Variants in PCDHGA3 observed in about 807,000 individuals in gnomAD.
PCDHGA3 encodes the protein protocadherin gamma subfamily A, 3, also known as protocadherin gamma-A3.
A neutral mutation model predicts 58.5 loss-of-function variants in PCDHGA3; 40 were observed. That is an observed-to-expected ratio of 0.68 (90% CI 0.53 to 0.89). The LOEUF is 0.89. PCDHGA3 is among the 40% of genes least tolerant of loss of function. PCDHGA3 has a pLI of 0.00. For synonymous variants in PCDHGA3, 530 were observed against 525.7 expected (o/e 1.01, Z -0.11); for missense variants, 1,223 against 1,195.9 (o/e 1.02, Z -0.33).
At chr5:141,356,290 A>C in intron 1 of PCDHGA3, 1 of 1,555,814 alleles carries the variant, frequency 6.4e-7, no homozygotes, top group Non-Finnish European at 8.7e-7. Context: ...TTCCCCGGGT[A>C]CAGTAATTGC....
At chr5:141,403,039 T>A (rs989723883) in intron 1 of PCDHGA3, 64 of 1,614,050 alleles carry the variant, frequency 4.0e-5, no homozygotes, top group Non-Finnish European at 5.4e-5. Context: ...CCAGGGCCAG[T>A]CAGATTCGCT....
At chr5:141,500,729 C>T (rs1434863449) in intron 2 of PCDHGA3, among the ~76,000 whole-genome samples, 2 of 152,130 alleles carry the variant, frequency 1.3e-5, no homozygotes, top group Non-Finnish European at 2.9e-5. Flanking sequence ...CCATGTCTTT[C>T]AAAATTCTTC....
intron 3 of PCDHGA3, among the ~76,000 whole-genome samples, chr5:141,508,616 G>T (rs1007206932): frequency 6.6e-6 from 1 of 152,114 alleles, no homozygotes; most frequent in African/African-American, 2.4e-5. Flanking sequence ...ATAGGACGTG[G>T]GTGGGCCGAG....
At chr5:141,365,333 G>A in intron 1 of PCDHGA3, 2 of 1,613,942 alleles carry the variant, frequency 1.2e-6, no homozygotes, top group East Asian at 2.2e-5. Flanking sequence ...TAAGGTGGTG[G>A]TCACAGTACA....
chr5:141,349,444 A>C (rs554674177), intron 1 of PCDHGA3, among the ~76,000 whole-genome samples: 1 of 152,234 alleles, frequency 6.6e-6, no homozygotes, highest in Non-Finnish European at 1.5e-5. Context: ...ATTCCACTTC[A>C]TAAAAGCATG....
At chr5:141,421,325 G>T in intron 1 of PCDHGA3, 1 of 1,613,906 alleles carries the variant, frequency 6.2e-7, no homozygotes, top group Non-Finnish European at 8.5e-7. Flanking sequence ...AGGCAGATCC[G>T]ATATTCGGTG....
chr5:141,370,545 G>A (rs768607566), intron 1 of PCDHGA3: 2 of 1,613,866 alleles, frequency 1.2e-6, no homozygotes, highest in Non-Finnish European at 1.7e-6. Context: ...AGGGAACCTC[G>A]CCAAGGACCT....
At chr5:141,353,898 A>G (rs1759411313) in intron 1 of PCDHGA3, among the ~76,000 whole-genome samples, 1 of 152,366 alleles carries the variant, frequency 6.6e-6, no homozygotes, top group East Asian at 1.9e-4. Context: ...TAAATTCTGT[A>G]TAGCTAATGC....
intron 1 of PCDHGA3, chr5:141,441,650 G>C (rs932742795): frequency 8.4e-6 from 2 of 238,510 alleles, no homozygotes; most frequent in African/African-American, 2.4e-5. Context: ...TGTGATTCTA[G>C]GTGTCCTTGA....
intron 3 of PCDHGA3, 119 bp downstream of exon 3, chr5:141,505,600 G>T: frequency 1.3e-6 from 2 of 1,554,224 alleles, no homozygotes; most frequent in Middle Eastern, 3.4e-4. Context: ...AGATCTTTCG[G>T]CAGGTCTGAA....
chr5:141,422,543 T>C lies in PCDHGA3; in HGVS notation c.2425-72264T>C, dbSNP rs2096655736. 1 of 1,613,882 alleles carries C rather than the reference T, an allele frequency of 6.2e-7. No homozygotes were observed. Among genetic ancestry groups the C allele is most frequent in the African/African-American group, 1.3e-5 (1 of 74,928 alleles). Reference sequence around the variant, plus strand: ...CCGCCTTTGTCTGCAGAAACTCATGTCTGGCTGAATGTGGCAGATGACAAC... The same window carrying C: ...CCGCCTTTGTCTGCAGAAACTCATGCCTGGCTGAATGTGGCAGATGACAAC... On this transcript the variant is annotated intron_variant, in intron 1 of 3. Coordinates refer to ENST00000253812, the MANE Select transcript of PCDHGA3 (RefSeq NM_018916.4).
chr5:141,478,213 C>A (rs2099439229), intron 1 of PCDHGA3: 1 of 1,614,000 alleles, frequency 6.2e-7, no homozygotes, highest in Non-Finnish European at 8.5e-7. Context: ...TTTCTCTAAT[C>A]CTGGTTTCTG....
At chr5:141,356,225 A>T (rs1760157547) in intron 1 of PCDHGA3, 6 of 1,596,084 alleles carry the variant, frequency 3.8e-6, no homozygotes, top group Non-Finnish European at 5.1e-6. Flanking sequence ...GATGAAAATG[A>T]CAACGCACCA....
At position 141,431,942 on chromosome 5, in the gene PCDHGA3, G is replaced by A. The variant is rs1284808063; in HGVS notation, c.2425-62865G>A. 6.2e-7 allele frequency: 1 copy of A among 1,614,116 alleles called. No homozygotes were observed. The highest frequency in any genetic ancestry group is 2.2e-5 in the East Asian group (1 of 44,884). ...CCAAGGAAATCTGCCCTTTAAATTA[G>A]AAAAATCTTACGGAAATTACTATAG... On this transcript the variant is annotated intron_variant, in intron 1 of 3. Transcript: ENST00000253812. The surrounding 1 kb of genome is among the most constrained non-coding windows in gnomAD (Gnocchi z 4.8).
chr5:141,349,959 CAG>C (rs770513949), intron 1 of PCDHGA3: 10 of 252,082 alleles, frequency 4.0e-5, no homozygotes, highest in East Asian at 3.0e-4. Flanking sequence ...AAATTAAAGA[CAG>C]GGTACATAGA....
intron 1 of PCDHGA3, chr5:141,379,506 A>T (rs774188975): frequency 9.2e-5 from 14 of 152,280 alleles, no homozygotes; most frequent in Non-Finnish European, 1.8e-4. Context: ...TGGGATGTTA[A>T]ACTACATCTT....
intron 2 of PCDHGA3, among the ~76,000 whole-genome samples, chr5:141,499,800 C>A (rs2099794584): frequency 6.6e-6 from 1 of 150,704 alleles, no homozygotes; most frequent in Admixed American, 6.7e-5. Context: ...AATTCTCATG[C>A]TTCAGCCTCC....
At chr5:141,360,220 C>T in intron 1 of PCDHGA3, 1 of 1,613,660 alleles carries the variant, frequency 6.2e-7, no homozygotes, top group Non-Finnish European at 8.5e-7. Context: ...CCCCGGGGCT[C>T]TCCCAGTCCA....
chr5:141,464,824 G>A (rs1329087889), intron 1 of PCDHGA3, among the ~76,000 whole-genome samples: 2 of 151,816 alleles, frequency 1.3e-5, no homozygotes, highest in African/African-American at 2.4e-5. Context: ...CTGTAGCCTC[G>A]CACTCCTGGG....
Sources: allele counts gnomAD v4.1 joint callset (sites outside exome capture counted in the v4.1 genomes callset), GRCh38; gene constraint gnomAD v4.1.1; non-coding constraint Gnocchi (gnomAD v3.1); transcripts MANE v1.5; gene names NCBI Gene and HGNC (gene_info 2026-07-23, HGNC 2026-07-21).